Variants in ASPRV1 observed in about 807,000 individuals in gnomAD.
ASPRV1 encodes the protein retroviral-like aspartic protease 1.
A neutral mutation model predicts 11.0 loss-of-function variants in ASPRV1; 7 were observed. The ratio of observed to expected loss-of-function variants is 0.64; its 90% CI spans 0.36 to 1.20. ASPRV1 has a LOEUF of 1.20. ASPRV1 is among the 50% of genes most tolerant of loss of function. ASPRV1 has a pLI of 0.02. For missense variants in ASPRV1, 299 were observed against 320.0 expected (o/e 0.93, Z 0.50); for synonymous variants, 136 against 138.4 (o/e 0.98, Z 0.12).
chr2:70,084,474 T>C, the ASPRV1 span, among the ~76,000 whole-genome samples: 2 of 152,218 alleles, frequency 1.3e-5, no homozygotes, highest in Non-Finnish European at 2.9e-5. Context: ...TACCACTTAA[T>C]AGCTGTGTGA....
the ASPRV1 span, among the ~76,000 whole-genome samples, chr2:70,051,994 C>T: frequency 6.6e-6 from 1 of 151,986 alleles, no homozygotes; most frequent in African/African-American, 2.4e-5. Flanking sequence ...GGGGTAGAAA[C>T]ACTCATTCTA....
the ASPRV1 span, chr2:70,015,773 G>C: frequency 6.6e-6 from 1 of 152,154 alleles, no homozygotes; most frequent in Admixed American, 6.6e-5. Context: ...GACCAGCCTG[G>C]CCAACATGGC....
chr2:70,029,522 C>A, the ASPRV1 span, among the ~76,000 whole-genome samples: 1 of 152,018 alleles, frequency 6.6e-6, no homozygotes. Context: ...ACCTGCAGTC[C>A]CAGCTACTCA....
At chr2:70,014,796 CAAAA>C in the ASPRV1 span, among the ~76,000 whole-genome samples, 4 of 74,022 alleles carry the variant, frequency 5.4e-5, no homozygotes, top group South Asian at 5.3e-4. Context: ...GACCTTGTCT[CAAAA>C]AAAAAAAAAA....
the ASPRV1 span, among the ~76,000 whole-genome samples, chr2:69,951,742 A>G: frequency 6.6e-6 from 1 of 152,014 alleles, no homozygotes; most frequent in Non-Finnish European, 1.5e-5. Context: ...ACAATCAAAA[A>G]AGAGGATTTG....
At chr2:69,953,280 C>G in the ASPRV1 span, among the ~76,000 whole-genome samples, 8 of 152,204 alleles carry the variant, frequency 5.3e-5, no homozygotes, top group African/African-American at 1.4e-4. Flanking sequence ...GAGGGCAGAT[C>G]TGGTTTGACA....
the ASPRV1 span, chr2:69,936,973 C>T: frequency 3.4e-6 from 2 of 592,706 alleles, no homozygotes; most frequent in South Asian, 1.5e-5. Context: ...TGAGGGCTAC[C>T]AGGGTGCCAG....
the ASPRV1 span, chr2:69,941,886 A>AT: frequency 1.3e-5 from 2 of 152,144 alleles, no homozygotes; most frequent in South Asian, 2.1e-4. Flanking sequence ...ACACACACAC[A>AT]TATTATTATT....
chr2:69,948,082 T>TTAA, the ASPRV1 span, among the ~76,000 whole-genome samples: 4 of 110,266 alleles, frequency 3.6e-5, no homozygotes, highest in African/African-American at 1.6e-4. Flanking sequence ...ACCCCGTCTC[T>TTAA]CAAAAAAAAA....
At chr2:69,943,917 A>G in the ASPRV1 span, among the ~76,000 whole-genome samples, 1 of 152,224 alleles carries the variant, frequency 6.6e-6, no homozygotes, top group Non-Finnish European at 1.5e-5. Flanking sequence ...TCTAAAAACC[A>G]CCTAAAATTT....
chr2:69,961,139 T>C lies in ASPRV1; in HGVS notation c.298A>G (p.Lys100Glu), dbSNP rs1344187575. The change falls in exon 1 of 1, where the codon AAA becomes GAA. Residue 100 changes from lysine to glutamate, a missense_variant. Coordinates refer to ENST00000320256, the MANE Select transcript of ASPRV1 (RefSeq NM_152792.4). ...VPGAAPSHLP[K>E]EIVFANSMGK... ...ATGCTGTTGGCAAAGACGATCTCTT[T>C]GGGCAGGTGGCTGGGGGCAGCCCCA... 1.9e-6 allele frequency: 3 copies of C among 1,613,888 alleles called. No homozygotes were observed. Among genetic ancestry groups the C allele is most frequent in the Admixed American group, 1.7e-5 (1 of 60,020 alleles).
chr2:70,028,085 G>A, the ASPRV1 span, among the ~76,000 whole-genome samples: 1 of 152,142 alleles, frequency 6.6e-6, no homozygotes, highest in Non-Finnish European at 1.5e-5. Context: ...CTAGTGAAAT[G>A]ATACCTAAAA....
chr2:70,031,520 A>AC, the ASPRV1 span: 4 of 151,834 alleles, frequency 2.6e-5, no homozygotes, highest in African/African-American at 9.7e-5. Flanking sequence ...ACATGGTAAA[A>AC]CCCCGTCTCT....
the ASPRV1 span, chr2:69,995,294 CAGA>C: frequency 4.7e-5 from 7 of 149,100 alleles, no homozygotes; most frequent in African/African-American, 1.7e-4. Flanking sequence ...GAGGCTGAGG[CAGA>C]AGAATGGTGC....
chr2:70,084,116 G>A, the ASPRV1 span, among the ~76,000 whole-genome samples: 1 of 152,166 alleles, frequency 6.6e-6, no homozygotes, highest in Non-Finnish European at 1.5e-5. Flanking sequence ...GGAAAGGGAA[G>A]GCTTCACTGA....
At chr2:70,055,495 A>T in the ASPRV1 span, 6 of 152,198 alleles carry the variant, frequency 3.9e-5, no homozygotes, top group Non-Finnish European at 8.8e-5. Flanking sequence ...ACATGGATGA[A>T]GCTGGAATCA....
chr2:70,038,419 CA>C, the ASPRV1 span, among the ~76,000 whole-genome samples: 10 of 151,546 alleles, frequency 6.6e-5, no homozygotes, highest in Non-Finnish European at 1.3e-4. Flanking sequence ...CACTAAAAGA[CA>C]AAAAAAATAG....
At chr2:70,086,497 T>C in the ASPRV1 span, 2 of 151,788 alleles carry the variant, frequency 1.3e-5, no homozygotes, top group Non-Finnish European at 2.9e-5. Context: ...CCTTCCAAGA[T>C]GGCGGGCCCT....
the ASPRV1 span, among the ~76,000 whole-genome samples, chr2:70,022,171 TG>T: frequency 1.3e-5 from 2 of 151,470 alleles, no homozygotes; most frequent in Non-Finnish European, 2.9e-5. Context: ...CCCACCACCA[TG>T]CCCGGCTAAT....
Sources: gnomAD v4.1 joint callset for allele counts (sites outside exome capture counted in the v4.1 genomes callset) on GRCh38, gnomAD v4.1.1 for gene constraint, MANE v1.5 for transcripts, NCBI Gene and HGNC (gene_info 2026-07-23, HGNC 2026-07-21) for gene names.